NUCB2: variants seen among roughly 807,000 people sequenced by gnomAD.
NUCB2 encodes the protein nucleobindin-2.
In NUCB2, 48 loss-of-function variants were observed where a neutral mutation model predicts 57.9. That is an observed-to-expected ratio of 0.83 (90% CI 0.66 to 1.05). The LOEUF (loss-of-function observed/expected upper bound fraction) is 1.05, where lower values mean the gene tolerates loss of function less well. NUCB2 is among the 50% of genes least tolerant of loss of function. The pLI is 0.00. For synonymous variants in NUCB2, 139 were observed against 152.1 expected (o/e 0.91, Z 0.64); for missense variants, 442 against 476.2 (o/e 0.93, Z 0.67).
chr11:17,314,336 G>A (rs1036712755), intron 10 of NUCB2, among the ~76,000 whole-genome samples: 1 of 152,018 alleles, frequency 6.6e-6, no homozygotes, highest in Non-Finnish European at 1.5e-5. Context: ...CATAAATCAG[G>A]TCATGTGCTC....
chr11:17,347,547 T>C (rs1442621785), intron 2 of NUCB2, among the ~76,000 whole-genome samples: 1 of 152,242 alleles, frequency 6.6e-6, no homozygotes, highest in Admixed American at 6.5e-5. Context: ...CAAATATTTT[T>C]TTAATCATAA....
At chr11:17,317,497 A>G in intron 11 of NUCB2, 3 of 352,750 alleles carry the variant, frequency 8.5e-6, no homozygotes, top group Non-Finnish European at 1.7e-5. Context: ...AGACTTAGTG[A>G]GATTTTGTCA....
At chr11:17,288,950 C>CACACACACACACACACATAT (rs1944414979) in intron 2 of NUCB2, among the ~76,000 whole-genome samples, 1 of 33,162 alleles carries the variant, frequency 3.0e-5, no homozygotes, top group Non-Finnish European at 4.8e-5. Context: ...CACACACACA[C>CACACACACACACACACATAT]ATATATATAT....
At chr11:17,322,009 G>A (rs188386035) in intron 11 of NUCB2, among the ~76,000 whole-genome samples, 4 of 152,154 alleles carry the variant, frequency 2.6e-5, no homozygotes, top group South Asian at 4.1e-4. Flanking sequence ...TGTCAGATGC[G>A]TAGTTTGCAA....
chr11:17,305,772 C>T (rs1251141216), intron 5 of NUCB2, among the ~76,000 whole-genome samples: 1 of 152,012 alleles, frequency 6.6e-6, no homozygotes, highest in Non-Finnish European at 1.5e-5. Flanking sequence ...CAGGAGTGTG[C>T]CACCATGCCT....
intron 10 of NUCB2, among the ~76,000 whole-genome samples, chr11:17,312,490 G>A (rs1356352900): frequency 2.0e-5 from 3 of 150,874 alleles, no homozygotes; most frequent in Non-Finnish European, 2.9e-5. Context: ...TGCAACCTCC[G>A]CCTCCCAGAT....
At chr11:17,347,970 T>C (rs7112244) in intron 2 of NUCB2, among the ~76,000 whole-genome samples, 15,983 of 152,250 alleles carry the variant, frequency 0.1, 2,759 homozygotes, top group African/African-American at 0.36. Flanking sequence ...TAATTTTATG[T>C]CTTTTGAATC....
intron 2 of NUCB2, among the ~76,000 whole-genome samples, chr11:17,293,151 G>A (rs1442158984): frequency 1.1e-4 from 16 of 151,816 alleles, no homozygotes; most frequent in Non-Finnish European, 2.4e-4. Flanking sequence ...CTACTCGGGA[G>A]GCTGAGGCAG....
intron 11 of NUCB2, among the ~76,000 whole-genome samples, chr11:17,326,018 G>A (rs187317628): frequency 2.1e-5 from 3 of 145,432 alleles, no homozygotes; most frequent in Admixed American, 6.9e-5. Flanking sequence ...TTTTTTTTTC[G>A]AGACAGTGTT....
chr11:17,326,180 AAT>A (rs1015910765), intron 11 of NUCB2, among the ~76,000 whole-genome samples: 1 of 151,818 alleles, frequency 6.6e-6, no homozygotes, highest in Non-Finnish European at 1.5e-5. Flanking sequence ...TTGTATTTAT[AAT>A]AGAGACAGGA....
At chr11:17,316,080 C>A (rs1038667346) in intron 11 of NUCB2, among the ~76,000 whole-genome samples, 1 of 152,086 alleles carries the variant, frequency 6.6e-6, no homozygotes, top group African/African-American at 2.4e-5. Context: ...TCAAGCAATT[C>A]TCTGCCTCAG....
At chr11:17,289,986 T>A (rs1218003547) in intron 2 of NUCB2, among the ~76,000 whole-genome samples, 1 of 152,224 alleles carries the variant, frequency 6.6e-6, no homozygotes, top group Non-Finnish European at 1.5e-5. Context: ...GTTTTTTTAT[T>A]TATTGGAGGC....
At chr11:17,292,555 C>T (rs1015519652) in intron 2 of NUCB2, among the ~76,000 whole-genome samples, 8 of 152,162 alleles carry the variant, frequency 5.3e-5, no homozygotes, top group South Asian at 2.1e-4. Context: ...CTTGAGAATT[C>T]GCATTTCTAA....
chr11:17,306,764 A>G (rs1198596717), intron 5 of NUCB2, among the ~76,000 whole-genome samples: 1 of 152,090 alleles, frequency 6.6e-6, no homozygotes, highest in African/African-American at 2.4e-5. Flanking sequence ...TAAAAATACA[A>G]AAAAATAGCC....
At position 17,330,764 on chromosome 11, in the gene NUCB2, T is replaced by C; in HGVS notation, c.1174-138T>C. 1.5e-6 allele frequency: 1 copy of C among 675,088 alleles called. No homozygotes were observed. Among genetic ancestry groups the C allele is most frequent in the Non-Finnish European group, 2.7e-6 (1 of 376,810 alleles). The allele number at this position is 675,088 out of a possible 1,614,324, so 41.8% of individuals were successfully genotyped here. ...GACTATAGGCGTGAGCCACTGCACC[T>C]AGTCAAATCTAAATCTTATAGTTTG... On this transcript the variant is annotated intron_variant, in intron 12 of 13. Transcript: ENST00000529010. The surrounding 1 kb of genome is among the most constrained non-coding windows in gnomAD (Gnocchi z 4.3).
intron 1 of NUCB2, among the ~76,000 whole-genome samples, chr11:17,280,508 T>C (rs1364324660): frequency 1.3e-5 from 2 of 152,250 alleles, no homozygotes; most frequent in African/African-American, 4.8e-5. Context: ...CGTTTATTTT[T>C]CTTCACCCTA....
intron 11 of NUCB2, among the ~76,000 whole-genome samples, chr11:17,327,121 C>T (rs1181856888): frequency 1.3e-5 from 2 of 152,114 alleles, no homozygotes; most frequent in African/African-American, 2.4e-5. Flanking sequence ...AGTGCAGTGG[C>T]GTGATCTTGG....
intron 1 of NUCB2, among the ~76,000 whole-genome samples, chr11:17,281,367 G>A (rs1407273878): frequency 3.3e-5 from 5 of 152,130 alleles, no homozygotes; most frequent in South Asian, 4.1e-4. Context: ...TGATCCACCC[G>A]CCTCAGCCTT....
At chr11:17,346,551 C>A (rs1313089097) in intron 2 of NUCB2, among the ~76,000 whole-genome samples, 1 of 152,166 alleles carries the variant, frequency 6.6e-6, no homozygotes, top group Admixed American at 6.5e-5. Context: ...CATTTAAATT[C>A]AAGAACCATT....
Sources: allele counts gnomAD v4.1 joint callset (sites outside exome capture counted in the v4.1 genomes callset), GRCh38; gene constraint gnomAD v4.1.1; non-coding constraint Gnocchi (gnomAD v3.1); transcripts MANE v1.5; gene names NCBI Gene and HGNC (gene_info 2026-07-23, HGNC 2026-07-21).